SLC25A21: variants seen among roughly 807,000 people sequenced by gnomAD.
SLC25A21 encodes mitochondrial 2-oxodicarboxylate carrier.
A neutral mutation model predicts 43.8 loss-of-function variants in SLC25A21; 47 were observed. The ratio of observed to expected loss-of-function variants is 1.07; its 90% confidence interval spans 0.85 to 1.37. The LOEUF (loss-of-function observed/expected upper bound fraction) is 1.37. Ranked by LOEUF, SLC25A21 falls within the 40% of genes most tolerant of loss-of-function variation. The probability of loss-of-function intolerance (pLI) is 0.00; values close to 1 mark genes in which losing one functional copy is unlikely to be tolerated. For synonymous variants in SLC25A21, 131 were observed against 121.3 expected, an observed-to-expected ratio of 1.08 and a Z score of -0.52; for missense variants, 352 against 350.2, an observed-to-expected ratio of 1.00 and a Z score of -0.04.
At chr14:36,978,799 C>T (rs770773161) in intron 1 of SLC25A21, among the ~76,000 whole-genome samples, 2 of 152,176 alleles carry the variant, frequency 1.3e-5, no homozygotes, top group Non-Finnish European at 2.9e-5. Flanking sequence ...CAGATGATCT[C>T]AGTACCTAAG....
intron 1 of SLC25A21, among the ~76,000 whole-genome samples, chr14:36,958,925 T>C (rs1199661791): frequency 6.6e-6 from 1 of 152,226 alleles, no homozygotes; most frequent in Non-Finnish European, 1.5e-5. Flanking sequence ...GGCCTGTTTG[T>C]TTAAGCTGTC....
At chr14:36,794,370 C>T (rs1056786134) in intron 3 of SLC25A21, among the ~76,000 whole-genome samples, 2 of 152,054 alleles carry the variant, frequency 1.3e-5, no homozygotes, top group African/African-American at 4.8e-5. Context: ...AATAGACACA[C>T]CACCAATATG....
intron 1 of SLC25A21, among the ~76,000 whole-genome samples, chr14:36,907,509 T>C (rs1891568467): frequency 6.6e-6 from 1 of 152,202 alleles, no homozygotes; most frequent in Admixed American, 6.5e-5. Context: ...TTTCAAAGTT[T>C]TCACCTTGGC....
intron 1 of SLC25A21, among the ~76,000 whole-genome samples, chr14:37,092,232 G>C (rs1200531331): frequency 2.6e-5 from 4 of 152,158 alleles, no homozygotes; most frequent in African/African-American, 9.7e-5. Context: ...AACATGGTAA[G>C]CCAAAAAGCC....
intron 1 of SLC25A21, among the ~76,000 whole-genome samples, chr14:36,922,406 T>A (rs1290183596): frequency 6.6e-6 from 1 of 151,990 alleles, no homozygotes. Flanking sequence ...CCAACCAAAG[T>A]ACTGTGGTCT....
intron 1 of SLC25A21, among the ~76,000 whole-genome samples, chr14:36,934,200 T>C (rs1021815181): frequency 2.0e-5 from 3 of 152,162 alleles, no homozygotes; most frequent in East Asian, 1.9e-4. Flanking sequence ...ATTAACCTTT[T>C]AGGACTTGAG....
intron 1 of SLC25A21, among the ~76,000 whole-genome samples, chr14:37,057,162 A>G (rs1403862690): frequency 6.6e-6 from 1 of 152,194 alleles, no homozygotes; most frequent in Non-Finnish European, 1.5e-5. Flanking sequence ...ACATGGCTAC[A>G]ATAATCTCTG....
chr14:36,695,468 G>A (rs1566504324), intron 7 of SLC25A21, among the ~76,000 whole-genome samples: 2 of 152,194 alleles, frequency 1.3e-5, no homozygotes, highest in Non-Finnish European at 2.9e-5. Context: ...GTAGCTTGAT[G>A]GGGATGGCAT....
At chr14:36,860,177 G>A (rs974235335) in intron 2 of SLC25A21, among the ~76,000 whole-genome samples, 1 of 151,924 alleles carries the variant, frequency 6.6e-6, no homozygotes, top group Non-Finnish European at 1.5e-5. Flanking sequence ...CACTGGAGAT[G>A]GGGCAGCCAA....
intron 1 of SLC25A21, among the ~76,000 whole-genome samples, chr14:36,952,964 C>A (rs1892850626): frequency 6.6e-6 from 1 of 152,150 alleles, no homozygotes; most frequent in South Asian, 2.1e-4. Flanking sequence ...TGTGGCTATC[C>A]AGTGTTCTCT....
intron 2 of SLC25A21, among the ~76,000 whole-genome samples, chr14:36,845,819 G>A (rs1462607009): frequency 6.6e-6 from 1 of 152,190 alleles, no homozygotes; most frequent in Non-Finnish European, 1.5e-5. Flanking sequence ...GATTTATGGG[G>A]TGGGATCTTG....
intron 1 of SLC25A21, among the ~76,000 whole-genome samples, chr14:37,041,300 A>C (rs561662576): frequency 6.6e-6 from 1 of 152,270 alleles, no homozygotes; most frequent in African/African-American, 2.4e-5. Flanking sequence ...TTTGAACTTA[A>C]AAATATAATC....
chr14:36,968,884 C>T (rs190159725), intron 1 of SLC25A21, among the ~76,000 whole-genome samples: 2 of 152,230 alleles, frequency 1.3e-5, no homozygotes. Context: ...TTACTGTACA[C>T]ATATCAAAGA....
intron 1 of SLC25A21, among the ~76,000 whole-genome samples, chr14:37,010,053 C>G (rs1005774393): frequency 6.6e-6 from 1 of 152,128 alleles, no homozygotes; most frequent in African/African-American, 2.4e-5. Flanking sequence ...ATTTATTACC[C>G]GTGACCTTGG....
At chr14:36,760,566 C>G in intron 3 of SLC25A21, among the ~76,000 whole-genome samples, 1 of 152,214 alleles carries the variant, frequency 6.6e-6, no homozygotes, top group East Asian at 1.9e-4. Flanking sequence ...GGGGAGGGTC[C>G]TGCCAGCTCC....
chr14:36,909,917 G>A (rs1891637590), intron 1 of SLC25A21, among the ~76,000 whole-genome samples: 1 of 151,928 alleles, frequency 6.6e-6, no homozygotes, highest in African/African-American at 2.4e-5. Flanking sequence ...TACGAACATT[G>A]GCAGTACCAT....
chr14:36,804,612 C>T (rs1029310269), intron 3 of SLC25A21, among the ~76,000 whole-genome samples: 4 of 152,200 alleles, frequency 2.6e-5, no homozygotes, highest in African/African-American at 9.6e-5. Flanking sequence ...CATAACAATA[C>T]TGTCAGAATC....
intron 1 of SLC25A21, among the ~76,000 whole-genome samples, chr14:37,021,684 A>T (rs540208937): frequency 2.0e-5 from 3 of 152,020 alleles, no homozygotes; most frequent in East Asian, 3.9e-4. Context: ...ACTGGTCTGA[A>T]AGTTGGGGGC....
intron 7 of SLC25A21, among the ~76,000 whole-genome samples, chr14:36,700,553 G>C (rs577890071): frequency 7.2e-5 from 11 of 152,174 alleles, no homozygotes; most frequent in Non-Finnish European, 1.2e-4. Context: ...GAAGTATGTA[G>C]AGTACAATGA....
Sources: gnomAD v4.1 joint callset for allele counts (sites outside exome capture counted in the v4.1 genomes callset) on GRCh38, gnomAD v4.1.1 for gene constraint, MANE v1.5 for transcripts, NCBI Gene and HGNC (gene_info 2026-07-23, HGNC 2026-07-21) for gene names.